Variants in ACAD11 observed in about 807,000 individuals in gnomAD.
ACAD11 encodes the protein acyl-Coenzyme A dehydrogenase family, member 11.
Under a neutral mutation model 102.2 loss-of-function variants are expected in ACAD11, and 83 were observed. The observed-to-expected ratio is 0.81, with a 90% CI of 0.68 to 0.97. ACAD11 has a LOEUF of 0.97. ACAD11 is among the 50% of genes least tolerant of loss of function. The pLI, the probability that ACAD11 is intolerant of heterozygous loss-of-function variation, is 0.00. For synonymous variants in ACAD11, 324 were observed against 319.8 expected, an observed-to-expected ratio of 1.01 and a Z score of -0.14; for missense variants, 901 against 951.7, an observed-to-expected ratio of 0.95 and a Z score of 0.70.
Position 132,578,856 on chromosome 3 carries a change from C to G in ACAD11, c.1714G>C (p.Val572Leu), listed in dbSNP as rs1471832769. Residue 572 changes from valine (V) to leucine (L), a missense_variant, in exon 15 of 20, where the codon GTT (valine) becomes CTT (leucine). By Grantham distance (32) the Val-to-Leu change is conservative (BLOSUM62 1). Coordinates refer to ENST00000264990, the MANE Select transcript of ACAD11 (RefSeq NM_032169.5). ...SRHKQHSMIL[V>L]PMNTPGVKII... is the part of the protein sequence containing the mutation. ...TTTACTCCAGGTGTGTTCATGGGAA[C>G]AAGAATCATGCTGTGCTGTTTGTGT... 3 of 1,612,668 alleles carry G rather than the reference C, an allele frequency of 1.9e-6. No individual in the cohort carries two copies.
intron 1 of ACAD11, among the ~76,000 whole-genome samples, chr3:132,656,005 GA>G (rs1184878684): frequency 6.6e-6 from 1 of 152,136 alleles, no homozygotes; most frequent in East Asian, 1.9e-4. Flanking sequence ...TCACTACCCG[GA>G]GAAAATTACT....
At chr3:132,617,148 A>G (rs1174854118) in intron 11 of ACAD11, among the ~76,000 whole-genome samples, 1 of 152,186 alleles carries the variant, frequency 6.6e-6, no homozygotes, top group African/African-American at 2.4e-5. Context: ...ATATTGTCCC[A>G]TAATCATCCT....
At position 132,558,995 on chromosome 3, in the gene ACAD11, G is replaced by C; in HGVS notation, c.2319C>G (p.Ala773=). 6.2e-7 allele frequency: 1 copy of C among 1,613,466 alleles called. No homozygotes were observed. Among genetic ancestry groups the C allele is most frequent in the South Asian group, 1.1e-5 (1 of 90,974 alleles). ...AIATMELRDQ[A]KRLTAKI ...CTTATATCTTGGCTGTCAGTCTTTTGGCTTGGTCCCGCAGCTCCATTGTTG... is the reference window on the plus strand; with the variant it reads ...CTTATATCTTGGCTGTCAGTCTTTTCGCTTGGTCCCGCAGCTCCATTGTTG... Residue 773 remains alanine (A), a synonymous_variant, in exon 20 of 20, where the codon GCC becomes GCG. Transcript: ENST00000264990.
At chr3:132,579,143 A>G in intron 14 of ACAD11, 4 of 1,141,044 alleles carry the variant, frequency 3.5e-6, no homozygotes, top group Non-Finnish European at 4.8e-6. Context: ...GAACTTATAT[A>G]TATAATTAAA....
At chr3:132,618,561 C>A in intron 11 of ACAD11, 73 bp downstream of exon 11, 1 of 1,286,898 alleles carries the variant, frequency 7.8e-7, no homozygotes, top group Non-Finnish European at 1.0e-6. Context: ...AAAACACATT[C>A]TTATCATATA....
At chr3:132,655,914 T>C (rs1937767137) in intron 1 of ACAD11, among the ~76,000 whole-genome samples, 1 of 152,222 alleles carries the variant, frequency 6.6e-6, no homozygotes, top group African/African-American at 2.4e-5. Context: ...TTTGCAAATT[T>C]TAAAAGTAAA....
chr3:132,558,891 T>C lies in ACAD11; in HGVS notation c.*80A>G. 2 of 1,020,176 alleles carry C rather than the reference T, an allele frequency of 2.0e-6. No individual in the cohort carries two copies. Among genetic ancestry groups the C allele is most frequent in the Middle Eastern group, 2.1e-4 (1 of 4,836 alleles). 63.2% of individuals were successfully genotyped at this position (1,020,176 alleles called of 1,614,324 possible). ...CCCTGTGCTCAAACTGCTACAAAAA[T>C]ATGAGATTCAAATGTTGGAGCCAAT... On this transcript the variant is annotated 3_prime_UTR_variant, in exon 20 of 20. Transcript: ENST00000264990.
chr3:132,605,778 C>A (rs1187222214), intron 11 of ACAD11, among the ~76,000 whole-genome samples: 1 of 152,220 alleles, frequency 6.6e-6, no homozygotes, highest in African/African-American at 2.4e-5. Context: ...GTCAGTGACA[C>A]CTCCTTCCTC....
chr3:132,642,468 C>G (rs1490323350), intron 3 of ACAD11, among the ~76,000 whole-genome samples: 1 of 152,190 alleles, frequency 6.6e-6, no homozygotes, highest in Non-Finnish European at 1.5e-5. Context: ...TCAATACCCC[C>G]TAATTACTAA....
intron 13 of ACAD11, chr3:132,601,734 T>C (rs1938612165): frequency 2.3e-6 from 1 of 428,618 alleles, no homozygotes. Context: ...GTGATAATTT[T>C]GTATCTTGGT....
chr3:132,611,683 C>A lies in ACAD11; in HGVS notation c.1415-6478G>T, dbSNP rs902323368. On this transcript the variant is annotated intron_variant, in intron 11 of 19. Coordinates refer to ENST00000264990, the MANE Select transcript of ACAD11 (RefSeq NM_032169.5). ...AACTTACAAGGGATGTGAAGGACCT[C>A]TTCAAGGAGAACTACAAACCACTGC... Among the ~76,000 whole-genome samples, 10 of 152,072 alleles carry A rather than the reference C, an allele frequency of 6.6e-5. 1 individual carries two copies. The highest frequency in any genetic ancestry group is 6.2e-4 in the South Asian group (3 of 4,822).
In ACAD11 at chr3:132,640,720, G is replaced by A. The variant is rs1048363930; in HGVS notation, c.538-1064C>T. On this transcript the variant is annotated intron_variant, in intron 4 of 19. Transcript: ENST00000264990. ...CCCTTTCTTCATCTGCAAAATGGGAGTAATAATACCTATATCTTAGAGTTG... is the reference window on the plus strand; with the variant it reads ...CCCTTTCTTCATCTGCAAAATGGGAATAATAATACCTATATCTTAGAGTTG... 2.0e-5 allele frequency among the ~76,000 whole-genome samples: 3 copies of A among 152,106 alleles called. No individual in the cohort carries two copies. The South Asian group carries it at 6.2e-4, about 32-fold the overall frequency.
intron 13 of ACAD11, chr3:132,601,102 A>G (rs756054036): frequency 1.2e-4 from 188 of 1,613,730 alleles, no homozygotes; most frequent in Non-Finnish European, 1.5e-4. Flanking sequence ...ACATTAAAAT[A>G]TCTCGACCCC....
chr3:132,606,031 G>A (rs1938822702), intron 11 of ACAD11, among the ~76,000 whole-genome samples: 1 of 152,126 alleles, frequency 6.6e-6, no homozygotes, highest in Non-Finnish European at 1.5e-5. Context: ...TGACTGCCAT[G>A]GAGTAAAATT....
rs1937514191 is a variant in ACAD11 at position 132,575,809 on chromosome 3, GT to G, written c.1963del (p.Thr655HisfsTer4). On this transcript the variant is annotated frameshift_variant, in exon 17 of 20. Coordinates refer to ENST00000264990, the MANE Select transcript of ACAD11 (RefSeq NM_032169.5). LOFTEE classifies it high-confidence loss of function. ...CTTCTTCTTGAAAGCTATCCTTTGT[GT>G]TGCCCGCTCACACATGATCTGCAAA... ...RALQIMCERA[T>X]QRIAFKKKLY... 1 of 1,613,894 alleles carries G rather than the reference GT, an allele frequency of 6.2e-7. No homozygotes were observed. The highest frequency in any genetic ancestry group is 8.5e-7 in the Non-Finnish European group (1 of 1,179,978).
At chr3:132,602,975 G>A (rs111404721) in intron 13 of ACAD11, among the ~76,000 whole-genome samples, 1 of 151,926 alleles carries the variant, frequency 6.6e-6, no homozygotes, top group African/African-American at 2.4e-5. Flanking sequence ...GCTAATTTTT[G>A]TATTTTTAGT....
At chr3:132,642,377 C>T (rs982965416) in intron 3 of ACAD11, among the ~76,000 whole-genome samples, 59 of 152,230 alleles carry the variant, frequency 3.9e-4, no homozygotes, top group Non-Finnish European at 6.5e-4. Flanking sequence ...AGTCTGTTTT[C>T]CCTGCTACCT....
intron 13 of ACAD11, among the ~76,000 whole-genome samples, chr3:132,590,621 C>T (rs1938035773): frequency 5.3e-5 from 8 of 152,184 alleles, no homozygotes; most frequent in Admixed American, 4.6e-4. Context: ...CACACTCCCA[C>T]CAACAGTGTA....
In ACAD11 at chr3:132,596,793, A is replaced by G. The variant is rs77637979; in HGVS notation, c.1621+6436T>C. ...GAAGACTCTAGTAGTTTAAATAAATATTAAATGATGTGGCATAAAAATGTT... is the reference window on the plus strand; with the variant it reads ...GAAGACTCTAGTAGTTTAAATAAATGTTAAATGATGTGGCATAAAAATGTT... On this transcript the variant is annotated intron_variant, in intron 13 of 19. Coordinates refer to ENST00000264990, the MANE Select transcript of ACAD11 (RefSeq NM_032169.5). Among the ~76,000 whole-genome samples, 1,479 of 152,352 alleles carry G rather than the reference A, an allele frequency of 9.7e-3. 22 individuals are homozygous for G. Among genetic ancestry groups the G allele is most frequent in the African/African-American group, 0.034 (1,400 of 41,582 alleles).
Sources: gnomAD v4.1 joint callset for allele counts (sites outside exome capture counted in the v4.1 genomes callset) on GRCh38, gnomAD v4.1.1 for gene constraint, MANE v1.5 for transcripts, NCBI Gene and HGNC (gene_info 2026-07-23, HGNC 2026-07-21) for gene names.